Variants in BRDT observed in about 807,000 individuals in gnomAD.
BRDT encodes the protein bromodomain testis associated, also known as bromodomain testis-specific protein.
A neutral mutation model predicts 113.9 loss-of-function variants in BRDT; 77 were observed. The observed-to-expected ratio is 0.68, with a 90% CI of 0.56 to 0.82. BRDT has a LOEUF of 0.82. Among genes scored for constraint, BRDT ranks in the 40% least tolerant of loss-of-function variants. The probability of loss-of-function intolerance (pLI) is 0.00; values close to 1 mark genes in which losing one functional copy is unlikely to be tolerated. For synonymous variants in BRDT, 358 were observed against 366.5 expected (o/e 0.98, Z 0.26); for missense variants, 1,027 against 1,105.4 (o/e 0.93, Z 1.01).
chr1:91,980,361 A>G (rs1247441658), intron 8 of BRDT, among the ~76,000 whole-genome samples: 1 of 152,240 alleles, frequency 6.6e-6, no homozygotes, highest in Non-Finnish European at 1.5e-5. Context: ...CCCTGGCTCA[A>G]AAAACAAAAA....
chr1:91,982,346 T>C (rs935021840), intron 12 of BRDT, among the ~76,000 whole-genome samples: 5 of 152,314 alleles, frequency 3.3e-5, no homozygotes, highest in African/African-American at 1.2e-4. Flanking sequence ...TATTATCTTG[T>C]ATAGTTTAGC....
At chr1:92,001,221 G>A (rs1027256123) in intron 15 of BRDT, among the ~76,000 whole-genome samples, 1 of 152,198 alleles carries the variant, frequency 6.6e-6, no homozygotes, top group African/African-American at 2.4e-5. Context: ...CCTCTAGGCT[G>A]GGCGCGTAAT....
At chr1:91,963,686 T>C (rs1329454256) in intron 2 of BRDT, among the ~76,000 whole-genome samples, 2 of 152,168 alleles carry the variant, frequency 1.3e-5, no homozygotes, top group African/African-American at 4.8e-5. Context: ...TTTTATTCTA[T>C]GGAGTCAGAC....
chr1:91,972,316 T>C (rs1309196180), intron 4 of BRDT, among the ~76,000 whole-genome samples: 2 of 152,226 alleles, frequency 1.3e-5, no homozygotes, highest in African/African-American at 4.8e-5. Flanking sequence ...TAGTGACATC[T>C]TAGTTGTCAG....
At chr1:92,007,235 G>T (rs1332748752) in intron 18 of BRDT, among the ~76,000 whole-genome samples, 6 of 148,738 alleles carry the variant, frequency 4.0e-5, no homozygotes, top group South Asian at 2.2e-4. Flanking sequence ...AAGCTTTTTT[G>T]TTGTTAACTT....
intron 18 of BRDT, among the ~76,000 whole-genome samples, chr1:92,011,515 C>T (rs565838248): frequency 1.3e-5 from 2 of 151,960 alleles, no homozygotes; most frequent in East Asian, 3.9e-4. Flanking sequence ...TGTGGGATTA[C>T]AGGCGTGAGC....
intron 12 of BRDT, among the ~76,000 whole-genome samples, chr1:91,986,947 T>C (rs867463638): frequency 4.6e-5 from 7 of 152,030 alleles, no homozygotes; most frequent in Admixed American, 1.3e-4. Context: ...AAATTCTTTT[T>C]TTTTTTTTTG....
At chr1:91,950,892 G>A (rs6656473) in intron 1 of BRDT, 10,146 of 152,042 alleles carry the variant, frequency 0.067, 400 homozygotes, top group African/African-American at 0.096. Flanking sequence ...GGGCATGGTG[G>A]TGGGTGCCTG....
Position 91,981,362 on chromosome 1 carries a change from T to C in BRDT, c.1845T>C (p.Ser615=), listed in dbSNP as rs1248714806. Residue 615 remains serine (S), a synonymous_variant, in exon 11 of 19, where the codon TCT becomes TCC. Coordinates refer to ENST00000399546, the MANE Select transcript of BRDT (RefSeq NM_207189.4). ...RLLDVNNQLN[S]RKRQTKSDKT... ...TGGATGTTAATAATCAGTTAAATTCTAGAAAACGTCAAACAAAATGTAGGT... is the reference window on the plus strand; with the variant it reads ...TGGATGTTAATAATCAGTTAAATTCCAGAAAACGTCAAACAAAATGTAGGT... 1.9e-6 allele frequency: 3 copies of C among 1,613,414 alleles called. No individual in the cohort carries two copies. The African/African-American group carries it at 4.0e-5, about 22-fold the overall frequency.
At chr1:91,997,192 G>A (rs1173544453) in intron 15 of BRDT, among the ~76,000 whole-genome samples, 1 of 152,040 alleles carries the variant, frequency 6.6e-6, no homozygotes, top group Non-Finnish European at 1.5e-5. Context: ...TGGAGAGAGA[G>A]CATTACATTG....
At chr1:91,977,575 T>C in intron 6 of BRDT, 182 bp downstream of exon 6, 1 of 524,416 alleles carries the variant, frequency 1.9e-6, no homozygotes, top group Middle Eastern at 5.5e-4. Context: ...CACTTGAACA[T>C]GTCCATGGTT....
chr1:91,953,347 T>G (rs1681337969), intron 1 of BRDT, among the ~76,000 whole-genome samples: 1 of 152,152 alleles, frequency 6.6e-6, no homozygotes, highest in African/African-American at 2.4e-5. Flanking sequence ...GGCAACACAA[T>G]TTAATAACTG....
chr1:91,994,060 T>A, intron 14 of BRDT, 23 bp from the exon 15 acceptor site: 2 of 1,569,976 alleles, frequency 1.3e-6, no homozygotes, highest in Non-Finnish European at 1.7e-6. Context: ...AACTAAGTGA[T>A]AACTTTGATT....
At chr1:91,963,261 G>A (rs113712335) in intron 2 of BRDT, among the ~76,000 whole-genome samples, 8,854 of 152,230 alleles carry the variant, frequency 0.058, 390 homozygotes, top group Middle Eastern at 0.11. Flanking sequence ...GGCGGAGGTT[G>A]TGGTAAGCCG....
At chr1:92,004,057 C>T (rs1463999918) in intron 16 of BRDT, among the ~76,000 whole-genome samples, 1 of 152,056 alleles carries the variant, frequency 6.6e-6, no homozygotes. Context: ...ATCCTTTGAG[C>T]ATTTTCTTTA....
intron 2 of BRDT, 92 bp downstream of exon 2, chr1:91,963,038 A>G (rs1682658803): frequency 6.3e-6 from 7 of 1,112,232 alleles, no homozygotes; most frequent in Non-Finnish European, 8.7e-6. Flanking sequence ...TATAAAACAT[A>G]TTTGGCCAGG....
chr1:92,011,256 A>C (rs909875341), intron 18 of BRDT, among the ~76,000 whole-genome samples: 4 of 152,218 alleles, frequency 2.6e-5, no homozygotes, highest in African/African-American at 4.8e-5. Flanking sequence ...TCTTAGTGGA[A>C]CTTTCTACAA....
intron 16 of BRDT, among the ~76,000 whole-genome samples, chr1:92,002,553 A>C (rs1032071848): frequency 6.6e-6 from 1 of 152,040 alleles, no homozygotes; most frequent in Non-Finnish European, 1.5e-5. Context: ...TTATTGGAGG[A>C]GACAGTGTTT....
At chr1:91,981,236 A>G in intron 10 of BRDT, 32 bp from the exon 11 acceptor site, 1 of 1,610,694 alleles carries the variant, frequency 6.2e-7, no homozygotes, top group East Asian at 2.2e-5. Flanking sequence ...GTTTTTGGTT[A>G]TACTCACTTT....
Sources: allele counts gnomAD v4.1 joint callset (sites outside exome capture counted in the v4.1 genomes callset), GRCh38; gene constraint gnomAD v4.1.1; transcripts MANE v1.5; gene names NCBI Gene and HGNC (gene_info 2026-07-23, HGNC 2026-07-21).